Variants in GPR158 observed in about 807,000 individuals in gnomAD.
GPR158 encodes the protein metabotropic glycine receptor.
GPR158 carries 30 observed loss-of-function variants against 78.2 expected under a neutral mutation model. The ratio of observed to expected loss-of-function variants is 0.38; its 90% CI spans 0.29 to 0.52. The LOEUF is 0.52. Among genes scored for constraint, GPR158 ranks in the 20% least tolerant of loss-of-function variants. The pLI is 0.83. For synonymous variants in GPR158, 581 were observed against 591.1 expected (o/e 0.98, Z 0.25); for missense variants, 1,463 against 1,523.5 (o/e 0.96, Z 0.66).
intron 5 of GPR158, among the ~76,000 whole-genome samples, chr10:25,503,590 C>A (rs775046266): frequency 6.6e-6 from 1 of 152,142 alleles, no homozygotes; most frequent in Non-Finnish European, 1.5e-5. Context: ...CAGGGAGAAT[C>A]TCTGGGTATA....
rs140932514 is a variant in GPR158, at chr10:25,380,071, C to T, written c.1009-15840C>T. Among the ~76,000 whole-genome samples, 52 of 151,962 alleles carry T rather than the reference C, an allele frequency of 3.4e-4. No homozygotes were observed. In the East Asian group the frequency reaches 9.3e-3, roughly 27 times the overall value. On this transcript the variant is annotated intron_variant, in intron 2 of 10. Transcript: ENST00000376351. ...TTGTTTCATAGAAAAAAACTGAGTT[C>T]AGTTTTGTTCTTTTTTTCCCTCATT...
intron 4 of GPR158, among the ~76,000 whole-genome samples, chr10:25,443,125 C>T (rs1835090520): frequency 6.6e-6 from 1 of 151,972 alleles, no homozygotes; most frequent in Non-Finnish European, 1.5e-5. Context: ...TACTAGGTTA[C>T]AGAGGCTGAA....
At chr10:25,399,629 C>G (rs1255159006) in intron 3 of GPR158, among the ~76,000 whole-genome samples, 1 of 152,168 alleles carries the variant, frequency 6.6e-6, no homozygotes, top group Non-Finnish European at 1.5e-5. Context: ...CCAAAAATAT[C>G]TTTCCTGATG....
At chr10:25,357,510 C>T (rs1855570346) in intron 2 of GPR158, among the ~76,000 whole-genome samples, 1 of 152,076 alleles carries the variant, frequency 6.6e-6, no homozygotes, top group Non-Finnish European at 1.5e-5. Flanking sequence ...ACTTGGTGCC[C>T]TTTATCCCAG....
At chr10:25,231,314 C>T (rs898273468) in intron 2 of GPR158, among the ~76,000 whole-genome samples, 4 of 152,046 alleles carry the variant, frequency 2.6e-5, no homozygotes, top group Admixed American at 2.0e-4. Context: ...CTGGGATAAT[C>T]TGAGCCAGAA....
At chr10:25,515,467 C>CACTA (rs1436577772) in intron 5 of GPR158, among the ~76,000 whole-genome samples, 20 of 147,324 alleles carry the variant, frequency 1.4e-4, no homozygotes, top group Non-Finnish European at 2.5e-4. Flanking sequence ...GCGCTGCACC[C>CACTA]ACTAACTCGT....
intron 7 of GPR158, among the ~76,000 whole-genome samples, chr10:25,577,749 C>T (rs1837122528): frequency 6.6e-6 from 1 of 152,120 alleles, no homozygotes; most frequent in African/African-American, 2.4e-5. Context: ...ACAGTTTCTT[C>T]TTTGAAGAAA....
chr10:25,555,915 C>T (rs774195287), intron 6 of GPR158, among the ~76,000 whole-genome samples: 24 of 152,206 alleles, frequency 1.6e-4, no homozygotes, highest in Non-Finnish European at 3.1e-4. Flanking sequence ...CTCATTAGCA[C>T]CAAATATTTA....
intron 6 of GPR158, among the ~76,000 whole-genome samples, chr10:25,558,420 G>C (rs943013289): frequency 7.9e-5 from 12 of 152,202 alleles, no homozygotes; most frequent in African/African-American, 2.9e-4. Context: ...AAGAGAATGA[G>C]TGTGAAATGA....
rs115667042 is a variant in GPR158, at chr10:25,572,166, G to A, written c.1515-483G>A. Among the ~76,000 whole-genome samples, 747 of 152,206 alleles carry A rather than the reference G, an allele frequency of 4.9e-3. 3 individuals carry two copies. The highest frequency in any genetic ancestry group is 0.017 in the African/African-American group (708 of 41,544). ...TGCCTACGGATCTTTCTAAAGTCCTGAGAATTTTCCTTGAAATATTAAGAC... is the reference window on the plus strand; with the variant it reads ...TGCCTACGGATCTTTCTAAAGTCCTAAGAATTTTCCTTGAAATATTAAGAC... On this transcript the variant is annotated intron_variant, in intron 6 of 10. Transcript: ENST00000376351.
At chr10:25,557,383 T>TC (rs1254195324) in intron 6 of GPR158, among the ~76,000 whole-genome samples, 6 of 152,208 alleles carry the variant, frequency 3.9e-5, no homozygotes, top group Admixed American at 2.0e-4. Flanking sequence ...TCCCTCGGAA[T>TC]CTTGCACACA....
At chr10:25,321,172 A>T (rs1010439566) in intron 2 of GPR158, among the ~76,000 whole-genome samples, 4 of 152,242 alleles carry the variant, frequency 2.6e-5, no homozygotes, top group African/African-American at 9.6e-5. Flanking sequence ...GACAATATAT[A>T]TTCTCCTGTT....
intron 2 of GPR158, among the ~76,000 whole-genome samples, chr10:25,233,391 T>TC (rs397958885): frequency 2.0e-5 from 3 of 152,166 alleles, no homozygotes; most frequent in African/African-American, 7.2e-5. Context: ...TCTTTTTTTT[T>TC]CCCTGCTGGT....
chr10:25,568,690 G>A (rs1264479759), intron 6 of GPR158, among the ~76,000 whole-genome samples: 1 of 152,104 alleles, frequency 6.6e-6, no homozygotes, highest in African/African-American at 2.4e-5. Context: ...CAATTTCTGG[G>A]TTGTCCTTTT....
chr10:25,423,125 A>ACACG (rs747403063), intron 4 of GPR158, among the ~76,000 whole-genome samples: 2 of 140,838 alleles, frequency 1.4e-5, no homozygotes, highest in African/African-American at 5.4e-5. Context: ...ATATACATAT[A>ACACG]TATGTATATA....
intron 3 of GPR158, among the ~76,000 whole-genome samples, chr10:25,396,798 A>T (rs1195310543): frequency 2.0e-5 from 3 of 152,186 alleles, no homozygotes; most frequent in Non-Finnish European, 4.4e-5. Flanking sequence ...AAAAAATAAA[A>T]ATAAAAGCAA....
At chr10:25,213,492 T>C (rs941767234) in intron 1 of GPR158, among the ~76,000 whole-genome samples, 3 of 152,196 alleles carry the variant, frequency 2.0e-5, no homozygotes, top group Non-Finnish European at 4.4e-5. Flanking sequence ...ACATAATTAT[T>C]TTAATATATG....
chr10:25,264,924 T>C (rs983590200), intron 2 of GPR158, among the ~76,000 whole-genome samples: 4 of 152,180 alleles, frequency 2.6e-5, no homozygotes, highest in African/African-American at 9.7e-5. Flanking sequence ...CTAAAATGGT[T>C]CATTTACCCA....
intron 2 of GPR158, among the ~76,000 whole-genome samples, chr10:25,283,918 AT>A (rs139430385): frequency 0.012 from 1,827 of 151,862 alleles, 25 homozygotes; most frequent in South Asian, 0.058. Flanking sequence ...GTATTTGGGG[AT>A]TTCCATGCTA....
Sources: gnomAD v4.1 joint callset for allele counts (sites outside exome capture counted in the v4.1 genomes callset) on GRCh38, gnomAD v4.1.1 for gene constraint, MANE v1.5 for transcripts, NCBI Gene and HGNC (gene_info 2026-07-23, HGNC 2026-07-21) for gene names.